Variants in ADGRB3 observed in about 807,000 individuals in gnomAD.
ADGRB3 encodes brain-specific angiogenesis inhibitor 3.
Under a neutral mutation model 193.4 loss-of-function variants are expected in ADGRB3, and 37 were observed. That is an observed-to-expected ratio of 0.19 (90% CI 0.15 to 0.25). The LOEUF (loss-of-function observed/expected upper bound fraction) is 0.25, where lower values mean the gene tolerates loss of function less well. Ranked by LOEUF, ADGRB3 falls within the 10% of genes least tolerant of loss-of-function variation. ADGRB3 has a pLI of 1.00. For missense variants in ADGRB3, 1,637 were observed against 1,852.9 expected, an observed-to-expected ratio of 0.88 and a Z score of 2.14; for synonymous variants, 690 against 644.2, an observed-to-expected ratio of 1.07 and a Z score of -1.08.
At chr6:68,850,349 A>G (rs975137009) in intron 3 of ADGRB3, among the ~76,000 whole-genome samples, 16 of 151,986 alleles carry the variant, frequency 1.1e-4, no homozygotes, top group Admixed American at 1.0e-3. Context: ...TTATCTCTGA[A>G]TAACATCTTG....
chr6:68,941,183 A>G (rs768789338), intron 5 of ADGRB3, among the ~76,000 whole-genome samples: 19 of 152,128 alleles, frequency 1.2e-4, no homozygotes, highest in Non-Finnish European at 2.5e-4. Flanking sequence ...CTGCAAAATT[A>G]AAAAATATAT....
At chr6:69,332,468 C>A (rs1319046917) in intron 23 of ADGRB3, 1 of 985,228 alleles carries the variant, frequency 1.0e-6, no homozygotes, top group African/African-American at 1.7e-5. Flanking sequence ...GCATTCTGTC[C>A]TCTGTGTTGG....
chr6:69,109,451 G>A (rs1773306207), intron 17 of ADGRB3, among the ~76,000 whole-genome samples: 1 of 152,116 alleles, frequency 6.6e-6, no homozygotes, highest in South Asian at 2.1e-4. Flanking sequence ...CTCAATAAAA[G>A]TAAATAGTAA....
At chr6:69,319,152 A>G (rs758284668) in intron 20 of ADGRB3, among the ~76,000 whole-genome samples, 14 of 151,164 alleles carry the variant, frequency 9.3e-5, no homozygotes, top group Non-Finnish European at 1.5e-4. Flanking sequence ...TTCTATTATC[A>G]TAGCAAAATT....
At position 68,660,408 on chromosome 6, in the gene ADGRB3, G is replaced by A. The variant is rs142589434; in HGVS notation, c.757+20976G>A. Among the ~76,000 whole-genome samples, 331 of 149,514 alleles carry A rather than the reference G, an allele frequency of 2.2e-3. 1 individual carries two copies. The highest frequency in any genetic ancestry group is 7.6e-3 in the African/African-American group (310 of 41,006). On this transcript the variant is annotated intron_variant, in intron 3 of 31. Coordinates refer to ENST00000370598, the MANE Select transcript of ADGRB3 (RefSeq NM_001704.3). ...TTAAATGAGCCTGCATTCTCAGATC[G>A]CAGGGAAAAAAGTTACTTTTCTAAG...
At chr6:68,880,836 C>T (rs558650229) in intron 3 of ADGRB3, among the ~76,000 whole-genome samples, 1 of 152,082 alleles carries the variant, frequency 6.6e-6, no homozygotes, top group African/African-American at 2.4e-5. Context: ...ATATTCTAGT[C>T]ATTGTTGATG....
chr6:69,304,560 T>C (rs1768024419), intron 20 of ADGRB3, among the ~76,000 whole-genome samples: 1 of 151,692 alleles, frequency 6.6e-6, no homozygotes, highest in Non-Finnish European at 1.5e-5. Context: ...TAAGCATAAG[T>C]AAGTCATCCT....
At chr6:69,197,763 A>G (rs1182644119) in intron 17 of ADGRB3, among the ~76,000 whole-genome samples, 1 of 152,048 alleles carries the variant, frequency 6.6e-6, no homozygotes, top group Non-Finnish European at 1.5e-5. Context: ...TAAGTATAAT[A>G]TCAAGCAAAG....
intron 13 of ADGRB3, among the ~76,000 whole-genome samples, chr6:69,020,998 G>C (rs546164396): frequency 1.6e-4 from 25 of 151,876 alleles, no homozygotes; most frequent in Non-Finnish European, 8.8e-5. Context: ...GACATAAATA[G>C]AGACTATTTT....
intron 17 of ADGRB3, among the ~76,000 whole-genome samples, chr6:69,132,377 G>A (rs959835368): frequency 2.0e-5 from 3 of 152,160 alleles, no homozygotes; most frequent in Admixed American, 6.5e-5. Context: ...TATGACCAGT[G>A]ATGATGAGCT....
intron 3 of ADGRB3, among the ~76,000 whole-genome samples, chr6:68,862,928 A>G (rs934985776): frequency 5.9e-5 from 9 of 152,186 alleles, no homozygotes; most frequent in African/African-American, 1.4e-4. Flanking sequence ...TGTCGTCAAT[A>G]GAATTGAGTT....
chr6:69,329,869 T>C (rs1768678100), intron 22 of ADGRB3, among the ~76,000 whole-genome samples: 1 of 152,202 alleles, frequency 6.6e-6, no homozygotes, highest in East Asian at 1.9e-4. Context: ...TCTCTATCAA[T>C]GCAAACCTAC....
chr6:68,821,639 C>CT lies in ADGRB3; in HGVS notation c.758-108910dup, dbSNP rs145345095. ...AATGGATCATGCGTATAATTTGCCT[C>CT]TTTTTTTTTTAGTCTTTCTTGCATA... On this transcript the variant is annotated intron_variant, in intron 3 of 31. Transcript: ENST00000370598. Among the ~76,000 whole-genome samples, 390 of 145,968 alleles carry CT rather than the reference C, an allele frequency of 2.7e-3. 2 individuals are homozygous for CT. Among genetic ancestry groups the CT allele is most frequent in the Middle Eastern group, 7.1e-3 (2 of 282 alleles).
At chr6:68,898,305 C>T (rs976333633) in intron 3 of ADGRB3, among the ~76,000 whole-genome samples, 2 of 152,002 alleles carry the variant, frequency 1.3e-5, no homozygotes, top group African/African-American at 4.8e-5. Flanking sequence ...GCTTCTCCTT[C>T]CCCTTTTTGT....
At chr6:68,874,108 A>G (rs1424608857) in intron 3 of ADGRB3, among the ~76,000 whole-genome samples, 2 of 152,094 alleles carry the variant, frequency 1.3e-5, no homozygotes, top group Non-Finnish European at 2.9e-5. Flanking sequence ...TTTATGATAT[A>G]TATTTTTCAC....
At chr6:68,997,174 A>T (rs1769408197) in intron 11 of ADGRB3, among the ~76,000 whole-genome samples, 1 of 152,204 alleles carries the variant, frequency 6.6e-6, no homozygotes, top group South Asian at 2.1e-4. Context: ...TATTAGCAAG[A>T]TCATAGGAAA....
chr6:69,269,914 T>C (rs1251944110), intron 20 of ADGRB3, among the ~76,000 whole-genome samples: 1 of 152,208 alleles, frequency 6.6e-6, no homozygotes, highest in East Asian at 1.9e-4. Context: ...CAAACATTTG[T>C]AGTATTAACA....
chr6:68,927,860 A>G (rs1000590548), intron 3 of ADGRB3, among the ~76,000 whole-genome samples: 5 of 152,130 alleles, frequency 3.3e-5, no homozygotes, highest in African/African-American at 1.2e-4. Context: ...TTTCAGATAC[A>G]TTATATTGTT....
At chr6:68,947,987 C>T (rs1767817404) in intron 6 of ADGRB3, among the ~76,000 whole-genome samples, 1 of 152,058 alleles carries the variant, frequency 6.6e-6, no homozygotes, top group South Asian at 2.1e-4. Flanking sequence ...GGGATTTGAG[C>T]TTGTGTTAAG....
Sources: allele counts gnomAD v4.1 joint callset (sites outside exome capture counted in the v4.1 genomes callset), GRCh38; gene constraint gnomAD v4.1.1; transcripts MANE v1.5; gene names NCBI Gene and HGNC (gene_info 2026-07-23, HGNC 2026-07-21).